HOGA1: variants seen among roughly 807,000 people sequenced by gnomAD.
HOGA1 encodes the protein 4-hydroxy-2-oxoglutarate aldolase, mitochondrial.
HOGA1 carries 30 observed loss-of-function variants against 34.3 expected under a neutral mutation model. That is an observed-to-expected ratio of 0.87 (90% CI 0.65 to 1.19). The LOEUF (loss-of-function observed/expected upper bound fraction) is 1.19, where lower values mean the gene tolerates loss of function less well. Ranked by LOEUF, HOGA1 falls within the 50% of genes most tolerant of loss-of-function variation. HOGA1 has a pLI of 0.00. For synonymous variants in HOGA1, 161 were observed against 174.0 expected (o/e 0.93, Z 0.59); for missense variants, 417 against 436.5 (o/e 0.96, Z 0.40).
chr10:97,597,533 A>C (rs2041080871), intron 1 of HOGA1, among the ~76,000 whole-genome samples: 1 of 152,186 alleles, frequency 6.6e-6, no homozygotes, highest in East Asian at 1.9e-4. Context: ...TAAAAACAGG[A>C]AAACGCAAAA....
Position 97,599,773 on chromosome 10 carries a change from C to T in HOGA1, c.562C>T (p.Gln188Ter), listed in dbSNP as rs2041101738. The T allele has an allele frequency of 2.5e-6, 4 of 1,614,214 alleles. No homozygotes were observed. In the East Asian group the frequency reaches 6.7e-5, roughly 27 times the overall value. Residue 188 changes from glutamine to a stop codon, truncating the protein, a stop_gained, in exon 4 of 7, where the codon CAG (glutamine) becomes TAG (stop). Coordinates refer to ENST00000370646, the MANE Select transcript of HOGA1 (RefSeq NM_138413.4). LOFTEE classifies it high-confidence loss of function. ...LPVDAVVTLS[Q>*]HPNIVGMKDS... ...TGTGGATGCAGTGGTCACGCTTTCC[C>T]AGCACCCGAATATTGTGGGCATGAA... is the stretch of plus-strand genomic sequence containing the variant.
At position 97,602,972 on chromosome 10, in the gene HOGA1, G is replaced by A. The variant is rs560753899; in HGVS notation, c.834+982G>A. Among the ~76,000 whole-genome samples, 3 of 151,768 alleles carry A rather than the reference G, an allele frequency of 2.0e-5. 1 individual carries two copies. The highest frequency in any genetic ancestry group is 4.8e-5 in the African/African-American group (2 of 41,400). On this transcript the variant is annotated intron_variant, in intron 6 of 6. Coordinates refer to ENST00000370646, the MANE Select transcript of HOGA1 (RefSeq NM_138413.4). ...CTCCCAAAGTGCTGGGATTACAGGC[G>A]TAAGCCACAGTGCCCGGCCTATTCT... is the stretch of plus-strand genomic sequence containing the variant.
intron 6 of HOGA1, among the ~76,000 whole-genome samples, chr10:97,604,535 G>A (rs2041143025): frequency 6.6e-6 from 1 of 151,958 alleles, no homozygotes; most frequent in African/African-American, 2.4e-5. Context: ...TGTTGCCCAG[G>A]CTGGTCTCAA....
intron 4 of HOGA1, 36 bp downstream of exon 4, chr10:97,599,850 C>T (rs749961780): frequency 2.4e-5 from 39 of 1,613,898 alleles, no homozygotes; most frequent in Admixed American, 3.3e-5. Context: ...GGGTCCTCTC[C>T]TCCTTTTCTG....
intron 1 of HOGA1, among the ~76,000 whole-genome samples, chr10:97,588,369 T>TTGTG (rs869251889): frequency 1.4e-5 from 2 of 142,344 alleles, no homozygotes. Context: ...GGCTAATTTT[T>TTGTG]TGTGTGTGTG....
rs754994995 is a variant in HOGA1 at position 97,599,698 on chromosome 10, A to G, written c.487A>G (p.Ile163Val). The G allele has an allele frequency of 3.1e-6, 5 of 1,614,004 alleles. No homozygotes were observed. Among genetic ancestry groups the G allele is most frequent in the Middle Eastern group, 1.7e-4 (1 of 6,060 alleles). The change falls in exon 4 of 7, where the codon ATC (isoleucine) becomes GTC (valine). Residue 163 changes from isoleucine (I) to valine (V), a missense_variant. Transcript: ENST00000370646. The stretch of plus-strand genomic sequence containing the variant: ...TCCCCAGGTTGCTGATCTCTCTCCA[A>G]TCCCTGTGGTGCTGTACAGTGTCCC... The part of the protein sequence containing the change: ...HYTKVADLSP[I>V]PVVLYSVPAN...
At chr10:97,590,599 A>T (rs370079032) in intron 1 of HOGA1, 223 of 1,595,212 alleles carry the variant, frequency 1.4e-4, no homozygotes, top group Non-Finnish European at 1.8e-4. Context: ...CCACCTAACC[A>T]TGGATGGAGA....
Position 97,599,114 on chromosome 10 carries a change from C to CCAG in HOGA1, c.366_367insCAG (p.Thr122_Val123insGln). ...CCACTCAAGCCACAGTGGAGATGAC[C>CCAG]GTCAGCATGGCCCAGGTCGGGGCTG... On this transcript the variant is annotated inframe_insertion, in exon 3 of 7. Coordinates refer to ENST00000370646, the MANE Select transcript of HOGA1 (RefSeq NM_138413.4). 6.2e-7 allele frequency: 1 copy of CCAG among 1,613,600 alleles called. No individual in the cohort carries two copies. The highest frequency in any genetic ancestry group is 1.1e-5 in the South Asian group (1 of 91,068).
intron 5 of HOGA1, chr10:97,600,430 G>C: frequency 1.8e-6 from 1 of 541,372 alleles, no homozygotes; most frequent in South Asian, 2.0e-5. Context: ...TGAGTCCTGA[G>C]CTCCATGATT....
chr10:97,588,231 T>C (rs1256582365), intron 1 of HOGA1, among the ~76,000 whole-genome samples: 4 of 147,818 alleles, frequency 2.7e-5, no homozygotes, highest in Non-Finnish European at 6.0e-5. Context: ...GGAGTCTTGC[T>C]CTGTCTCCCA....
intron 1 of HOGA1, among the ~76,000 whole-genome samples, chr10:97,588,196 T>C (rs2040986215): frequency 8.0e-6 from 1 of 125,300 alleles, no homozygotes; most frequent in Non-Finnish European, 1.8e-5. Context: ...TTGTTTTTTC[T>C]TTCTTTTTTT....
Position 97,589,926 on chromosome 10 carries a change from G to T in HOGA1, c.211+5012G>T, listed in dbSNP as rs149631769. On this transcript the variant is annotated intron_variant, in intron 1 of 6. Coordinates refer to ENST00000370646, the MANE Select transcript of HOGA1 (RefSeq NM_138413.4). ...CTGTGGGTTCAGAGAAAGAGGAGAA[G>T]AAAGGAAACCTCTGAGTGTCCATCA... 7.6e-5 allele frequency: 122 copies of T among 1,613,692 alleles called. 1 individual carries two copies. In the African/African-American group the frequency reaches 1.5e-3, roughly 20 times the overall value.
intron 1 of HOGA1, among the ~76,000 whole-genome samples, chr10:97,585,587 C>T (rs1318297997): frequency 3.3e-5 from 5 of 152,232 alleles, no homozygotes; most frequent in African/African-American, 1.2e-4. Flanking sequence ...TGAGGCAGTG[C>T]TCTCTGTAGG....
intron 2 of HOGA1, 64 bp downstream of exon 2, chr10:97,598,967 T>C: frequency 6.2e-7 from 1 of 1,609,830 alleles, no homozygotes; most frequent in Admixed American, 1.7e-5. Flanking sequence ...TCCTAGGCCC[T>C]AGCTTGGGTC....
intron 1 of HOGA1, among the ~76,000 whole-genome samples, chr10:97,593,029 C>CAAAAAAAAAAAAAAAAAGAAAA (rs2041039433): frequency 2.1e-5 from 1 of 47,802 alleles, no homozygotes; most frequent in Non-Finnish European, 4.0e-5. Context: ...GACTCTGTCT[C>CAAAAAAAAAAAAAAAAAGAAAA]AAAAAAAAAA....
chr10:97,598,924 C>A, intron 2 of HOGA1, 21 bp downstream of exon 2: 1 of 1,613,126 alleles, frequency 6.2e-7, no homozygotes, highest in Middle Eastern at 1.7e-4. Flanking sequence ...ATGCCCTGGG[C>A]CCTGGGGGTG....
intron 1 of HOGA1, among the ~76,000 whole-genome samples, chr10:97,591,413 C>T (rs969398397): frequency 3.3e-5 from 5 of 152,132 alleles, no homozygotes; most frequent in African/African-American, 4.8e-5. Context: ...GTTTGTTTAA[C>T]TTAATTTAAT....
chr10:97,602,586 T>G (rs1470812064), intron 6 of HOGA1: 1 of 985,216 alleles, frequency 1.0e-6, no homozygotes, highest in East Asian at 1.1e-4. Flanking sequence ...TATTCAAGTT[T>G]TAATGTACAT....
chr10:97,604,065 A>G (rs964322709), intron 6 of HOGA1, among the ~76,000 whole-genome samples: 1 of 152,206 alleles, frequency 6.6e-6, no homozygotes, highest in Non-Finnish European at 1.5e-5. Flanking sequence ...TCATCCTCTT[A>G]TAGCCATGCC....
Sources: allele counts gnomAD v4.1 joint callset (sites outside exome capture counted in the v4.1 genomes callset), GRCh38; gene constraint gnomAD v4.1.1; transcripts MANE v1.5; gene names NCBI Gene and HGNC (gene_info 2026-07-23, HGNC 2026-07-21).